The following ABTB2 variants were observed in gnomAD, a reference collection of about 807,000 sequenced individuals.
ABTB2 encodes ankyrin repeat and BTB/POZ domain-containing protein 2.
In ABTB2, 56 loss-of-function variants were observed where a neutral mutation model predicts 104.1. The observed-to-expected ratio is 0.54, with a 90% CI of 0.43 to 0.67. The LOEUF (loss-of-function observed/expected upper bound fraction) is 0.67, where lower values mean the gene tolerates loss of function less well. Ranked by LOEUF, ABTB2 falls within the 30% of genes least tolerant of loss-of-function variation. ABTB2 has a pLI of 0.00. For synonymous variants in ABTB2, 606 were observed against 608.2 expected (o/e 1.00, Z 0.05); for missense variants, 1,279 against 1,407.7 (o/e 0.91, Z 1.46).
Position 34,252,436 on chromosome 11 carries a change from G to A in ABTB2, c.884-47746C>T, listed in dbSNP as rs1253562116. On this transcript the variant is annotated intron_variant, in intron 1 of 16. Coordinates refer to ENST00000435224, the MANE Select transcript of ABTB2 (RefSeq NM_145804.3). The surrounding 1 kb of genome is among the most constrained non-coding windows in gnomAD (Gnocchi z 5.5). ...TTAACCAGCCCTCCTCAGTCACAGG[G>A]GGAGAGTGCCATCTGGACATCATGA... Among the ~76,000 whole-genome samples the A allele has an allele frequency of 6.6e-6, 1 of 152,116 alleles. No individual in the cohort carries two copies. The highest frequency in any genetic ancestry group is 6.5e-5 in the Admixed American group (1 of 15,268).
At chr11:34,302,913 G>A (rs1381626048) in intron 1 of ABTB2, among the ~76,000 whole-genome samples, 1 of 152,184 alleles carries the variant, frequency 6.6e-6, no homozygotes, top group Non-Finnish European at 1.5e-5. Flanking sequence ...CCTCTATCTA[G>A]GGTAGTTGGT....
At chr11:34,182,681 A>C (rs970807425) in intron 3 of ABTB2, among the ~76,000 whole-genome samples, 2 of 151,954 alleles carry the variant, frequency 1.3e-5, no homozygotes, top group African/African-American at 4.8e-5. Flanking sequence ...TAGGAGCCTG[A>C]GAGTTTCTGT....
At chr11:34,260,495 G>T (rs1197078693) in intron 1 of ABTB2, among the ~76,000 whole-genome samples, 1 of 152,146 alleles carries the variant, frequency 6.6e-6, no homozygotes, top group Non-Finnish European at 1.5e-5. Flanking sequence ...TGCAGTGCAG[G>T]GCTCTGAAAA....
chr11:34,204,628 G>T lies in ABTB2; in HGVS notation c.946C>A (p.Arg316=). ...YNGGSLGHDE[R]ADAYAQLELR... Reference sequence around the variant, plus strand: ...TCCAGCTGGGCATAGGCATCGGCTCGCTCGTCATGGCCCAGGGACCCGCCG... The same window carrying T: ...TCCAGCTGGGCATAGGCATCGGCTCTCTCGTCATGGCCCAGGGACCCGCCG... Residue 316 remains arginine (R), a synonymous_variant, in exon 2 of 17, where the codon CGA becomes AGA. Transcript: ENST00000435224. 3 of 1,606,786 alleles carry T rather than the reference G, an allele frequency of 1.9e-6. No homozygotes were observed. The highest frequency in any genetic ancestry group is 2.5e-6 in the Non-Finnish European group (3 of 1,178,148).
chr11:34,175,474 G>A (rs1376222625), intron 3 of ABTB2, among the ~76,000 whole-genome samples: 1 of 152,192 alleles, frequency 6.6e-6, no homozygotes, highest in Non-Finnish European at 1.5e-5. Context: ...GTATGAAAGT[G>A]AAACAGAATT....
At chr11:34,335,818 C>T (rs1855187134) in intron 1 of ABTB2, 3 of 1,336,272 alleles carry the variant, frequency 2.2e-6, no homozygotes, top group Non-Finnish European at 3.2e-6. Context: ...TCCAAACGGT[C>T]CCATAGTTTC....
At chr11:34,297,913 C>CCTAA (rs1854644524) in intron 1 of ABTB2, among the ~76,000 whole-genome samples, 2 of 151,726 alleles carry the variant, frequency 1.3e-5, no homozygotes, top group African/African-American at 4.8e-5. Context: ...GGATTAAGGC[C>CCTAA]CTTATAAAAG....
chr11:34,209,556 G>T (rs1853450063), intron 1 of ABTB2, among the ~76,000 whole-genome samples: 1 of 64,726 alleles, frequency 1.5e-5, no homozygotes, highest in African/African-American at 6.8e-5. Flanking sequence ...AGGGGTGATG[G>T]TAGGGGTGGA....
At chr11:34,302,685 G>T (rs1178731697) in intron 1 of ABTB2, among the ~76,000 whole-genome samples, 1 of 152,206 alleles carries the variant, frequency 6.6e-6, no homozygotes, top group East Asian at 1.9e-4. Flanking sequence ...AAAAAAAGAT[G>T]TTCCTGTGAT....
intron 1 of ABTB2, 84 bp from the exon 2 acceptor site, chr11:34,204,774 CCCTGCTCCCCTG>C: frequency 7.1e-7 from 1 of 1,408,072 alleles, no homozygotes; most frequent in East Asian, 2.4e-5. Flanking sequence ...CAGGGCTCAG[CCCTGCTCCCCTG>C]CTCTTGACAG....
chr11:34,273,342 C>T (rs183494720), intron 1 of ABTB2, among the ~76,000 whole-genome samples: 12 of 152,294 alleles, frequency 7.9e-5, no homozygotes, highest in African/African-American at 2.6e-4. Context: ...AAACTCCAGG[C>T]TGTCCAGGCC....
intron 2 of ABTB2, 138 bp from the exon 3 acceptor site, chr11:34,197,676 G>A (rs1853279617): frequency 1.6e-6 from 1 of 641,272 alleles, no homozygotes; most frequent in Middle Eastern, 4.3e-4. Flanking sequence ...TTGCCCTGCA[G>A]CCAACAGGCG....
intron 3 of ABTB2, among the ~76,000 whole-genome samples, chr11:34,194,253 C>A (rs2133034229): frequency 6.6e-6 from 1 of 152,286 alleles, no homozygotes; most frequent in African/African-American, 2.4e-5. Flanking sequence ...CACTTAATCC[C>A]AAACAAACCC....
chr11:34,331,113 GAA>G (rs1261032465), intron 1 of ABTB2, among the ~76,000 whole-genome samples: 2 of 152,162 alleles, frequency 1.3e-5, no homozygotes, highest in African/African-American at 2.4e-5. Context: ...CTGCTTGCAG[GAA>G]AGAGACAGCT....
chr11:34,154,097 C>T lies in ABTB2; in HGVS notation c.2880+168G>A, dbSNP rs1852585959. ...ACATGGCCAGTGGGCAGCAGTGACC[C>T]CAGGCAACACAGGGAGTTGCTAACC... On this transcript the variant is annotated intron_variant, in intron 16 of 16. Coordinates refer to ENST00000435224, the MANE Select transcript of ABTB2 (RefSeq NM_145804.3). This position sits in a 1 kb window ranked among gnomAD's most constrained non-coding sequence, Gnocchi z 4.9. 6.6e-6 allele frequency among the ~76,000 whole-genome samples: 1 copy of T among 152,148 alleles called. No individual in the cohort carries two copies. The highest frequency in any genetic ancestry group is 1.5e-5 in the Non-Finnish European group (1 of 68,022).
chr11:34,277,614 C>T (rs1279404144), intron 1 of ABTB2, among the ~76,000 whole-genome samples: 5 of 28 alleles, frequency 0.18, no homozygotes, highest in Non-Finnish European at 0.22. Context: ...TGAACCCCAT[C>T]TCTACAAAAA....
chr11:34,154,677 C>T lies in ABTB2; in HGVS notation c.2766+24G>A. 6.2e-7 allele frequency: 1 copy of T among 1,613,456 alleles called. No homozygotes were observed. The highest frequency in any genetic ancestry group is 1.1e-5 in the South Asian group (1 of 91,052). On this transcript the variant is annotated intron_variant, in intron 15 of 16. Transcript: ENST00000435224. This position sits in a 1 kb window ranked among gnomAD's most constrained non-coding sequence, Gnocchi z 4.9. ...GCCGCTGGGCACCCTAGCCCAGGCC[C>T]CCTCCCCCTCTCCCGAGTCTCACCT... is the stretch of plus-strand genomic sequence containing the variant.
intron 4 of ABTB2, among the ~76,000 whole-genome samples, chr11:34,171,658 A>G (rs550443722): frequency 6.6e-6 from 1 of 152,168 alleles, no homozygotes; most frequent in African/African-American, 2.4e-5. Context: ...ACTCATGTAA[A>G]ACAATCTGTT....
At position 34,252,233 on chromosome 11, in the gene ABTB2, G is replaced by A. The variant is rs530720650; in HGVS notation, c.884-47543C>T. On this transcript the variant is annotated intron_variant, in intron 1 of 16. Transcript: ENST00000435224. The surrounding 1 kb of genome is among the most constrained non-coding windows in gnomAD (Gnocchi z 5.5). ...CCACGACTCCATGCCTGGGAAAGCC[G>A]TGGCAGGAGTGACAGCGAGGAGGCC... 4.8e-4 allele frequency among the ~76,000 whole-genome samples: 73 copies of A among 152,292 alleles called. No individual in the cohort carries two copies. The highest frequency in any genetic ancestry group is 6.8e-3 in the Middle Eastern group (2 of 294).
Sources: allele counts gnomAD v4.1 joint callset (sites outside exome capture counted in the v4.1 genomes callset), GRCh38; gene constraint gnomAD v4.1.1; non-coding constraint Gnocchi (gnomAD v3.1); transcripts MANE v1.5; gene names NCBI Gene and HGNC (gene_info 2026-07-23, HGNC 2026-07-21).